The following LRBA variants were observed in gnomAD, a reference collection of about 807,000 sequenced individuals.
LRBA encodes lipopolysaccharide-responsive and beige-like anchor protein.
Under a neutral mutation model 330.0 loss-of-function variants are expected in LRBA, and 176 were observed. The ratio of observed to expected loss-of-function variants is 0.53; its 90% CI spans 0.47 to 0.60. LRBA has a LOEUF of 0.60. LRBA is among the 20% of genes least tolerant of loss of function. The pLI, the probability that LRBA is intolerant of heterozygous loss-of-function variation, is 0.00. For synonymous variants in LRBA, 1,230 were observed against 1,193.0 expected, an observed-to-expected ratio of 1.03 and a Z score of -0.64; for missense variants, 3,259 against 3,444.8, an observed-to-expected ratio of 0.95 and a Z score of 1.35.
intron 22 of LRBA, among the ~76,000 whole-genome samples, chr4:150,856,169 G>A (rs1172692644): frequency 6.6e-6 from 1 of 152,160 alleles, no homozygotes; most frequent in African/African-American, 2.4e-5. Flanking sequence ...GAATCTTCAG[G>A]TGATTCACAT....
chr4:150,690,501 C>A (rs1328628230), intron 36 of LRBA, among the ~76,000 whole-genome samples: 15 of 123,764 alleles, frequency 1.2e-4, no homozygotes, highest in African/African-American at 2.4e-4. Flanking sequence ...GACTCCATCT[C>A]AAAAAAAAAA....
chr4:150,773,312 G>T (rs1303299995), intron 34 of LRBA, among the ~76,000 whole-genome samples: 1 of 152,232 alleles, frequency 6.6e-6, no homozygotes, highest in Non-Finnish European at 1.5e-5. Flanking sequence ...AAGGGACACT[G>T]CTAGCCTTGC....
Position 150,618,869 on chromosome 4 carries a change from T to TAC in LRBA, c.5922-19739_5922-19738insGT, listed in dbSNP as rs1554066662. On this transcript the variant is annotated intron_variant, in intron 37 of 56. Coordinates refer to ENST00000651943, the MANE Select transcript of LRBA (RefSeq NM_001364905.1). ...GTATGTATATATATATATATATATA[T>TAC]ATACACACATACACACACATATATA... Among the ~76,000 whole-genome samples the TAC allele has an allele frequency of 4.2e-4, 55 of 129,608 alleles. 3 individuals are homozygous for TAC. The highest frequency in any genetic ancestry group is 1.4e-3 in the African/African-American group (53 of 39,176). The allele number at this position is 129,608 out of a possible 152,430, so 85.0% of individuals were successfully genotyped here.
chr4:150,357,653 T>A (rs1007194739), intron 47 of LRBA, among the ~76,000 whole-genome samples: 4 of 89,064 alleles, frequency 4.5e-5, no homozygotes, highest in African/African-American at 1.3e-4. Context: ...ATATTGAGCT[T>A]TTTTTTTTTT....
rs115932240 is a variant in LRBA at position 150,921,492 on chromosome 4, T to A, written c.550-199A>T. The stretch of plus-strand genomic sequence containing the variant: ...CCAGTTTTTGTAATGCTGTAGGGCC[T>A]ATTAGGTATTCAATAAATATGAGCC... On this transcript the variant is annotated intron_variant, in intron 4 of 56. Transcript: ENST00000651943. Among the ~76,000 whole-genome samples, 1,081 of 152,324 alleles carry A rather than the reference T, an allele frequency of 7.1e-3. 6 individuals are homozygous for A. Among genetic ancestry groups the A allele is most frequent in the Non-Finnish European group, 0.012 (792 of 68,022 alleles).
At chr4:150,631,284 T>C (rs1777352906) in intron 37 of LRBA, among the ~76,000 whole-genome samples, 1 of 152,074 alleles carries the variant, frequency 6.6e-6, no homozygotes, top group African/African-American at 2.4e-5. Flanking sequence ...ACTAGTAACA[T>C]TAAGTTGCTG....
At chr4:150,476,930 G>A (rs1756778932) in intron 42 of LRBA, among the ~76,000 whole-genome samples, 2 of 152,164 alleles carry the variant, frequency 1.3e-5, no homozygotes, top group South Asian at 4.1e-4. Context: ...ATTGCCATCA[G>A]TGGTGAGTCA....
At chr4:150,387,107 T>G (rs2151900701) in intron 47 of LRBA, among the ~76,000 whole-genome samples, 1 of 151,592 alleles carries the variant, frequency 6.6e-6, no homozygotes, top group East Asian at 1.9e-4. Flanking sequence ...ACTTTTTAAT[T>G]TTTTTTTTGT....
At chr4:150,923,949 A>C (rs1012916042) in intron 4 of LRBA, among the ~76,000 whole-genome samples, 3 of 152,226 alleles carry the variant, frequency 2.0e-5, no homozygotes, top group Non-Finnish European at 4.4e-5. Flanking sequence ...TTTTCAATTA[A>C]CCATACTGCT....
intron 22 of LRBA, among the ~76,000 whole-genome samples, chr4:150,853,678 T>A (rs1265419173): frequency 2.6e-5 from 4 of 151,796 alleles, no homozygotes; most frequent in Non-Finnish European, 5.9e-5. Flanking sequence ...AAAAAGTAAA[T>A]TTTTTTTTAA....
chr4:150,924,863 T>C (rs1389798634), intron 4 of LRBA, among the ~76,000 whole-genome samples: 1 of 152,218 alleles, frequency 6.6e-6, no homozygotes, highest in Non-Finnish European at 1.5e-5. Flanking sequence ...ATGTTTAATC[T>C]TTTTTATGTA....
At chr4:150,977,390 C>A (rs938230559) in intron 2 of LRBA, among the ~76,000 whole-genome samples, 1 of 152,106 alleles carries the variant, frequency 6.6e-6, no homozygotes, top group African/African-American at 2.4e-5. Flanking sequence ...TATACACACA[C>A]GCTGGGCCAG....
At chr4:150,269,586 T>G (rs946200978) in intron 56 of LRBA, among the ~76,000 whole-genome samples, 7 of 152,312 alleles carry the variant, frequency 4.6e-5, no homozygotes, top group Middle Eastern at 3.4e-3. Flanking sequence ...TTCTTGGATA[T>G]GATATCAAAA....
intron 36 of LRBA, among the ~76,000 whole-genome samples, chr4:150,685,336 C>T (rs1305746155): frequency 8.2e-6 from 1 of 121,392 alleles, no homozygotes; most frequent in Non-Finnish European, 1.6e-5. Flanking sequence ...TTCCTTACAC[C>T]AAAAGCAATT....
rs965719041 is a variant in LRBA, at chr4:150,506,736, G to A, written c.6331-15701C>T. On this transcript the variant is annotated intron_variant, in intron 40 of 56. Coordinates refer to ENST00000651943, the MANE Select transcript of LRBA (RefSeq NM_001364905.1). ...TTGGAAGTTCTGGCCAGGGCAATCC[G>A]TCAGGAGAAAGAAAGAAAGGGTATT... Among the ~76,000 whole-genome samples the A allele has an allele frequency of 9.8e-5, 15 of 152,288 alleles. 1 individual carries two copies. Among genetic ancestry groups the A allele is most frequent in the East Asian group, 7.7e-4 (4 of 5,186 alleles).
chr4:150,875,764 A>T (rs1753956638), intron 17 of LRBA, among the ~76,000 whole-genome samples: 1 of 152,180 alleles, frequency 6.6e-6, no homozygotes, highest in African/African-American at 2.4e-5. Context: ...ATTATTACAA[A>T]AGTTACAAGT....
chr4:150,424,750 TG>T (rs1460066871), intron 46 of LRBA, among the ~76,000 whole-genome samples: 1 of 152,316 alleles, frequency 6.6e-6, no homozygotes, highest in Admixed American at 6.5e-5. Flanking sequence ...CACACAGACA[TG>T]GGAAGAACAT....
chr4:150,961,586 G>A (rs2149566339), intron 2 of LRBA, among the ~76,000 whole-genome samples: 1 of 149,374 alleles, frequency 6.7e-6, no homozygotes, highest in Non-Finnish European at 1.5e-5. Context: ...GAAAGGTTAG[G>A]AGGATAGAAG....
At chr4:150,783,265 A>G (rs1738531151) in intron 34 of LRBA, among the ~76,000 whole-genome samples, 1 of 152,154 alleles carries the variant, frequency 6.6e-6, no homozygotes, top group African/African-American at 2.4e-5. Context: ...TTAACTTACA[A>G]TACTAGCAAA....
Sources: gnomAD v4.1 joint callset for allele counts (sites outside exome capture counted in the v4.1 genomes callset) on GRCh38, gnomAD v4.1.1 for gene constraint, MANE v1.5 for transcripts, NCBI Gene and HGNC (gene_info 2026-07-23, HGNC 2026-07-21) for gene names.